MCUB: variants seen among roughly 807,000 people sequenced by gnomAD.
MCUB encodes mitochondrial calcium uniporter dominant negative subunit beta, also known as calcium uniporter regulatory subunit MCUb, mitochondrial.
In MCUB, 46 loss-of-function variants were observed where a neutral mutation model predicts 41.4. The observed-to-expected ratio is 1.11, with a 90% CI of 0.88 to 1.42. The LOEUF is 1.42. Ranked by LOEUF, MCUB falls within the 40% of genes most tolerant of loss-of-function variation. The probability of loss-of-function intolerance (pLI) is 0.00; values close to 1 mark genes in which losing one functional copy is unlikely to be tolerated. For synonymous variants in MCUB, 148 were observed against 148.2 expected, an observed-to-expected ratio of 1.00 and a Z score of 0.01; for missense variants, 403 against 404.9, an observed-to-expected ratio of 1.00 and a Z score of 0.04.
chr4:109,641,332 C>T (rs909553329), intron 1 of MCUB, among the ~76,000 whole-genome samples: 1 of 150,272 alleles, frequency 6.7e-6, no homozygotes, highest in Non-Finnish European at 1.5e-5. Flanking sequence ...TCTCGATCTC[C>T]TGACCTCGTG....
chr4:109,577,390 G>A (rs1727055502), intron 1 of MCUB, among the ~76,000 whole-genome samples: 1 of 152,092 alleles, frequency 6.6e-6, no homozygotes, highest in Non-Finnish European at 1.5e-5. Context: ...CTTAGCATGT[G>A]CCATACACTA....
intron 1 of MCUB, among the ~76,000 whole-genome samples, chr4:109,617,404 C>T (rs1728156007): frequency 6.6e-6 from 1 of 152,152 alleles, no homozygotes; most frequent in South Asian, 2.1e-4. Flanking sequence ...CACATTTCCA[C>T]ATTTAGTGTG....
intron 1 of MCUB, among the ~76,000 whole-genome samples, chr4:109,656,844 T>C (rs1051012728): frequency 6.6e-6 from 1 of 152,230 alleles, no homozygotes; most frequent in Non-Finnish European, 1.5e-5. Flanking sequence ...CTTCTACCTA[T>C]ATTTATTTAT....
intron 1 of MCUB, among the ~76,000 whole-genome samples, chr4:109,585,338 G>A (rs960758972): frequency 6.6e-6 from 1 of 152,128 alleles, no homozygotes; most frequent in African/African-American, 2.4e-5. Context: ...GAGCCTGTGT[G>A]TGTCTCTGCA....
intron 1 of MCUB, among the ~76,000 whole-genome samples, chr4:109,582,616 T>C (rs1440353592): frequency 6.6e-6 from 1 of 151,980 alleles, no homozygotes; most frequent in Non-Finnish European, 1.5e-5. Context: ...CCATTGCTTT[T>C]GGTGTTTTAG....
At chr4:109,626,685 C>T (rs948294673) in intron 1 of MCUB, among the ~76,000 whole-genome samples, 1 of 151,852 alleles carries the variant, frequency 6.6e-6, no homozygotes, top group Admixed American at 6.6e-5. Flanking sequence ...TGGTGGCATG[C>T]GCCTATAATC....
chr4:109,609,758 G>A (rs12511564), intron 1 of MCUB, among the ~76,000 whole-genome samples: 78,917 of 151,808 alleles, frequency 0.52, 20,854 homozygotes, highest in South Asian at 0.69. Context: ...CCCAGTGCCC[G>A]CTGCAGCCAC....
intron 1 of MCUB, among the ~76,000 whole-genome samples, chr4:109,566,765 G>T (rs1726787535): frequency 6.6e-6 from 1 of 152,244 alleles, no homozygotes; most frequent in Non-Finnish European, 1.5e-5. Flanking sequence ...AGTTCACAGA[G>T]CTAAGTGGTG....
chr4:109,665,064 C>A (rs1049046587), intron 4 of MCUB, among the ~76,000 whole-genome samples: 2 of 152,184 alleles, frequency 1.3e-5, no homozygotes, highest in African/African-American at 4.8e-5. Context: ...TATCCCACAC[C>A]AGACTGGTAT....
At position 109,564,976 on chromosome 4, in the gene MCUB, C is replaced by T. The variant is rs151079796; in HGVS notation, c.99+4540C>T. Among the ~76,000 whole-genome samples the T allele has an allele frequency of 2.4e-3, 372 of 152,286 alleles. 1 individual carries two copies. Among genetic ancestry groups the T allele is most frequent in the African/African-American group, 8.4e-3 (348 of 41,550 alleles). ...ACAATCAATATGTATTGAGCACCTT[C>T]GATGGGCAAAGCAGCAAAAAGACAA... On this transcript the variant is annotated intron_variant, in intron 1 of 7. Coordinates refer to ENST00000394650, the MANE Select transcript of MCUB (RefSeq NM_017918.5).
chr4:109,629,088 T>G (rs1270144197), intron 1 of MCUB, among the ~76,000 whole-genome samples: 2 of 152,246 alleles, frequency 1.3e-5, no homozygotes, highest in Non-Finnish European at 2.9e-5. Flanking sequence ...CTCCCTAAAT[T>G]AAAATTGAGT....
chr4:109,584,353 A>C (rs915410433), intron 1 of MCUB, among the ~76,000 whole-genome samples: 1 of 152,008 alleles, frequency 6.6e-6, no homozygotes, highest in Admixed American at 6.6e-5. Context: ...CTTCTTTATT[A>C]GTCTTGCTAG....
rs563991897 is a variant in MCUB, at chr4:109,601,387, C to T, written c.99+40951C>T. 2.0e-5 allele frequency among the ~76,000 whole-genome samples: 3 copies of T among 152,244 alleles called. No homozygotes were observed. The South Asian group carries it at 6.2e-4, about 32-fold the overall frequency. ...CCTGTTAACCATTCACACTCCCTTCCCTACCCCTGTTACCCCTCCCAGCCT... is the reference window on the plus strand; with the variant it reads ...CCTGTTAACCATTCACACTCCCTTCTCTACCCCTGTTACCCCTCCCAGCCT... On this transcript the variant is annotated intron_variant, in intron 1 of 7. Transcript: ENST00000394650.
chr4:109,588,816 T>G (rs1727369783), intron 1 of MCUB, among the ~76,000 whole-genome samples: 1 of 152,206 alleles, frequency 6.6e-6, no homozygotes, highest in South Asian at 2.1e-4. Flanking sequence ...CCATCAAATC[T>G]TGGCTTTTGT....
intron 1 of MCUB, among the ~76,000 whole-genome samples, chr4:109,657,240 TAGAA>T (rs1481577961): frequency 7.1e-5 from 9 of 126,414 alleles, no homozygotes; most frequent in East Asian, 2.3e-4. Flanking sequence ...AAAAAAAAAA[TAGAA>T]AGCTCAAATG....
chr4:109,566,469 CAAA>C (rs60385848), intron 1 of MCUB, among the ~76,000 whole-genome samples: 14,422 of 132,372 alleles, frequency 0.11, 743 homozygotes, highest in Middle Eastern at 0.2. Flanking sequence ...GACTCTGTCT[CAAA>C]AAAAAAAAAA....
chr4:109,606,776 C>T (rs1727880950), intron 1 of MCUB, among the ~76,000 whole-genome samples: 1 of 152,168 alleles, frequency 6.6e-6, no homozygotes, highest in Non-Finnish European at 1.5e-5. Context: ...AATGGAATTT[C>T]ACTCTTTTCA....
intron 4 of MCUB, among the ~76,000 whole-genome samples, chr4:109,670,649 G>C (rs958662430): frequency 4.0e-5 from 6 of 151,716 alleles, no homozygotes; most frequent in Non-Finnish European, 8.8e-5. Flanking sequence ...CCGGAAGGCG[G>C]AAGCTGCAGT....
intron 1 of MCUB, among the ~76,000 whole-genome samples, chr4:109,621,393 G>C (rs1728247748): frequency 1.3e-5 from 2 of 152,122 alleles, no homozygotes; most frequent in Non-Finnish European, 2.9e-5. Flanking sequence ...GCTACTCTTA[G>C]AGTTGGGTGG....
Sources: allele counts gnomAD v4.1 joint callset (sites outside exome capture counted in the v4.1 genomes callset), GRCh38; gene constraint gnomAD v4.1.1; transcripts MANE v1.5; gene names NCBI Gene and HGNC (gene_info 2026-07-23, HGNC 2026-07-21).